The following ZMYM6 variants were observed in gnomAD, a reference collection of about 807,000 sequenced individuals.
The protein encoded by ZMYM6 is zinc finger MYM-type protein 6.
Under a neutral mutation model 134.0 loss-of-function variants are expected in ZMYM6, and 90 were observed. That is an observed-to-expected ratio of 0.67 (90% CI 0.57 to 0.80). The LOEUF is 0.80. ZMYM6 is among the 30% of genes least tolerant of loss of function. ZMYM6 has a pLI of 0.00. For synonymous variants in ZMYM6, 481 were observed against 524.1 expected (o/e 0.92, Z 1.12); for missense variants, 1,362 against 1,533.9 (o/e 0.89, Z 1.87).
In ZMYM6 at chr1:35,014,790, A is replaced by G. The variant is rs375569885; in HGVS notation, c.702T>C (p.Cys234=). The change falls in exon 6 of 16, where the codon TGT becomes TGC. Residue 234 remains cysteine (C), a synonymous_variant. Coordinates refer to ENST00000357182, the MANE Select transcript of ZMYM6 (RefSeq NM_007167.4). ...AGCAATAGCTCCCACAGTTCTCACA[A>G]CAGTTCATGGTGAGGTTGTTTGTAG... The part of the protein sequence containing the change: ...FHSTNNLTMN[C]CENCGSYCYS... 5 of 1,614,108 alleles carry G rather than the reference A, an allele frequency of 3.1e-6. No homozygotes were observed. The highest frequency in any genetic ancestry group is 4.2e-6 in the Non-Finnish European group (5 of 1,180,046).
At chr1:35,018,069 A>G (rs1049288900) in intron 4 of ZMYM6, 9 of 152,010 alleles carry the variant, frequency 5.9e-5, no homozygotes, top group African/African-American at 2.2e-4. Flanking sequence ...TCCTGGCCAC[A>G]TGTGATGGCT....
chr1:35,014,757 G>A lies in ZMYM6; in HGVS notation c.735C>T (p.Ser245=). 6.2e-7 allele frequency: 1 copy of A among 1,614,188 alleles called. No individual in the cohort carries two copies. Among genetic ancestry groups the A allele is most frequent in the Non-Finnish European group, 8.5e-7 (1 of 1,180,038 alleles). Reference sequence around the variant, plus strand: ...CCTTCTGGGATTGGCAAGGACCAGAGCTACTATAGCAATAGCTCCCACAGT... The same window carrying A: ...CCTTCTGGGATTGGCAAGGACCAGAACTACTATAGCAATAGCTCCCACAGT... ...CENCGSYCYS[S]SGPCQSQKVF... is the part of the protein sequence containing the mutation. The change falls in exon 6 of 16, where the codon AGC becomes AGT. Residue 245 remains serine, a synonymous_variant. Coordinates refer to ENST00000357182, the MANE Select transcript of ZMYM6 (RefSeq NM_007167.4).
intron 13 of ZMYM6, 91 bp downstream of exon 13, chr1:35,005,041 A>T: frequency 6.8e-7 from 1 of 1,459,878 alleles, no homozygotes; most frequent in Non-Finnish European, 9.2e-7. Flanking sequence ...CTGGGCAACA[A>T]GAGTGAAACT....
At chr1:35,028,502 T>A (rs1367141175) in intron 2 of ZMYM6, among the ~76,000 whole-genome samples, 1 of 151,832 alleles carries the variant, frequency 6.6e-6, no homozygotes, top group Non-Finnish European at 1.5e-5. Context: ...CCATTGATTT[T>A]ATTTTATTTT....
chr1:35,006,365 A>C (rs567847833), intron 12 of ZMYM6, among the ~76,000 whole-genome samples: 1 of 152,282 alleles, frequency 6.6e-6, no homozygotes, highest in East Asian at 1.9e-4. Flanking sequence ...TACTTTATGA[A>C]TATATCATGG....
intron 14 of ZMYM6, among the ~76,000 whole-genome samples, chr1:34,994,977 AT>A (rs1640750298): frequency 7.0e-6 from 1 of 143,002 alleles, no homozygotes; most frequent in African/African-American, 2.7e-5. Context: ...TAATATGGAT[AT>A]ATACATATCT....
In ZMYM6 at chr1:35,014,876, C is replaced by A; in HGVS notation, c.616G>T (p.Val206Phe). Residue 206 changes from valine (V) to phenylalanine (F), a missense_variant, in exon 6 of 16, where the codon GTT becomes TTT. By Grantham distance (50) the Val-to-Phe change is conservative (BLOSUM62 -1). Coordinates refer to ENST00000357182, the MANE Select transcript of ZMYM6 (RefSeq NM_007167.4). ...CCATGTACCACATTTTGATATTTAA[C>A]TTCAAATCGAGTCTAGGAAATAAAC... ...CQKNADTRFEVKYQNVVHGLC... is the reference protein window; with the variant it reads ...CQKNADTRFEFKYQNVVHGLC... 6.2e-7 allele frequency: 1 copy of A among 1,614,026 alleles called. No individual in the cohort carries two copies. The highest frequency in any genetic ancestry group is 8.5e-7 in the Non-Finnish European group (1 of 1,179,978).
Position 35,011,926 on chromosome 1 carries a change from G to A in ZMYM6, c.1026C>T (p.Tyr342=). The A allele has an allele frequency of 6.2e-7, 1 of 1,609,762 alleles. No individual in the cohort carries two copies. Among genetic ancestry groups the A allele is most frequent in the Non-Finnish European group, 8.5e-7 (1 of 1,177,488 alleles). ...YHLAMSNGTI[Y]SFCSSSCVVA... Reference sequence around the variant, plus strand: ...CCACACAACTGGAGCTGCAGAAGCTGTATATAGTTCCATTTGACATGGCTA... The same window carrying A: ...CCACACAACTGGAGCTGCAGAAGCTATATATAGTTCCATTTGACATGGCTA... The change falls in exon 8 of 16, where the codon TAC becomes TAT. Residue 342 remains tyrosine (Y), a synonymous_variant. Coordinates refer to ENST00000357182, the MANE Select transcript of ZMYM6 (RefSeq NM_007167.4).
chr1:34,988,393 G>C lies in ZMYM6; in HGVS notation c.2689C>G (p.Gln897Glu), dbSNP rs1294987884. The change falls in exon 16 of 16, where the codon CAG (glutamine) becomes GAG (glutamate). Residue 897 changes from glutamine to glutamate, a missense_variant. Gln to Glu is a conservative substitution (Grantham distance 29). This residue lies in a region of ZMYM6 where 824 missense variants were observed against 940.9 expected (regional missense o/e 0.88). Coordinates refer to ENST00000357182, the MANE Select transcript of ZMYM6 (RefSeq NM_007167.4). ...GACTCTCTGACCTTTTGAATCAGCTGGTCTTCAATGTCTGCAGATAGTTCA... is the reference window on the plus strand; with the variant it reads ...GACTCTCTGACCTTTTGAATCAGCTCGTCTTCAATGTCTGCAGATAGTTCA... ...IDELSADIED[Q>E]LIQKVRESKW... 1 of 1,551,580 alleles carries C rather than the reference G, an allele frequency of 6.4e-7. No individual in the cohort carries two copies. Among genetic ancestry groups the C allele is most frequent in the Non-Finnish European group, 8.7e-7 (1 of 1,146,964 alleles).
In ZMYM6 at chr1:34,992,220, A is replaced by C; in HGVS notation, c.2146+14T>G. 1 of 1,613,898 alleles carries C rather than the reference A, an allele frequency of 6.2e-7. No individual in the cohort carries two copies. The highest frequency in any genetic ancestry group is 8.5e-7 in the Non-Finnish European group (1 of 1,179,848). ...AAACAAGCTTTGTACATGGGAACGC[A>C]CAAGGATACATACCTGTCTGACATT... On this transcript the variant is annotated intron_variant, in intron 15 of 15. Coordinates refer to ENST00000357182, the MANE Select transcript of ZMYM6 (RefSeq NM_007167.4).
At chr1:34,998,740 A>G (rs964248780) in intron 14 of ZMYM6, among the ~76,000 whole-genome samples, 16 of 152,226 alleles carry the variant, frequency 1.1e-4, no homozygotes, top group Admixed American at 9.2e-4. Context: ...GCAGCTGGAT[A>G]CAGGAATCTG....
intron 14 of ZMYM6, among the ~76,000 whole-genome samples, chr1:35,003,172 C>A (rs906672055): frequency 5.1e-5 from 7 of 136,062 alleles, no homozygotes; most frequent in African/African-American, 2.2e-4. Context: ...CAGAGCAAGA[C>A]CCTGTCTCAA....
At chr1:35,024,004 TC>T (rs1462779077) in intron 2 of ZMYM6, among the ~76,000 whole-genome samples, 1 of 152,168 alleles carries the variant, frequency 6.6e-6, no homozygotes, top group Non-Finnish European at 1.5e-5. Flanking sequence ...CTGACCAGTT[TC>T]TTTTACCTCA....
Position 34,988,853 on chromosome 1 carries a change from A to C in ZMYM6, c.2229T>G (p.Thr743=), listed in dbSNP as rs767898315. The part of the protein sequence containing the change: ...SKKKRLGFFQ[T]YDTEYLKVGF... ...CAACTTTTAAATATTCTGTATCATA[A>C]GTCTGGAAAAAACCTAATCTTTTTT... Residue 743 remains threonine, a synonymous_variant, in exon 16 of 16, where the codon ACT becomes ACG. Transcript: ENST00000357182. The C allele has an allele frequency of 6.2e-7, 1 of 1,600,678 alleles. No individual in the cohort carries two copies. The highest frequency in any genetic ancestry group is 1.3e-5 in the African/African-American group (1 of 74,782).
intron 7 of ZMYM6, among the ~76,000 whole-genome samples, 174 bp from the exon 8 acceptor site, chr1:35,012,179 C>T (rs1641099681): frequency 6.6e-6 from 1 of 152,158 alleles, no homozygotes; most frequent in Non-Finnish European, 1.5e-5. Flanking sequence ...CCCACTTACA[C>T]AAAAACTAAC....
In ZMYM6 at chr1:35,008,883, C is replaced by T. The variant is rs1484628633; in HGVS notation, c.1534G>A (p.Gly512Arg). ...LSARDFGERW[G>R]NYCKMCSYCS... ...TAGCTGCACATCTTACAGTAGTTTC[C>T]CCATCGTTCTCCAAAGTCACGGGCA... Residue 512 changes from glycine to arginine, a missense_variant, in exon 11 of 16, where the codon GGA becomes AGA. Around this residue, in one of 3 missense-constraint regions of ZMYM6, gnomAD observed 824 missense variants for 940.9 expected, o/e 0.88. Transcript: ENST00000357182. 4.3e-6 allele frequency: 7 copies of T among 1,613,314 alleles called. No homozygotes were observed. Among genetic ancestry groups the T allele is most frequent in the Non-Finnish European group, 5.9e-6 (7 of 1,179,762 alleles).
intron 14 of ZMYM6, among the ~76,000 whole-genome samples, chr1:35,000,967 T>C (rs2148447627): frequency 6.6e-6 from 1 of 152,304 alleles, no homozygotes; most frequent in Admixed American, 6.5e-5. Flanking sequence ...CCATCTGTTT[T>C]TGTAAATAAA....
At chr1:35,028,930 C>G (rs1641466396) in intron 2 of ZMYM6, among the ~76,000 whole-genome samples, 1 of 152,034 alleles carries the variant, frequency 6.6e-6, no homozygotes, top group African/African-American at 2.4e-5. Flanking sequence ...GTGGCTCACG[C>G]CTGTAATCCT....
At position 35,000,729 on chromosome 1, in the gene ZMYM6, T is replaced by G. The variant is rs55771113; in HGVS notation, c.1992+3239A>C. Among the ~76,000 whole-genome samples the G allele has an allele frequency of 3.3e-3, 502 of 152,208 alleles. 4 individuals are homozygous for G. The highest frequency in any genetic ancestry group is 0.011 in the African/African-American group (462 of 41,518). On this transcript the variant is annotated intron_variant, in intron 14 of 15. Transcript: ENST00000357182. ...AATATTTTCCATTTAATATTAAATA[T>G]TAAAGATTGTCTAAAAGAACACATG...
Sources: gnomAD v4.1 joint callset for allele counts (sites outside exome capture counted in the v4.1 genomes callset) on GRCh38, gnomAD v4.1.1 for gene constraint, gnomAD v4.1.1 regional missense constraint, MANE v1.5 for transcripts, NCBI Gene and HGNC (gene_info 2026-07-23, HGNC 2026-07-21) for gene names.